Variants in ZNF536 observed in about 807,000 individuals in gnomAD.
ZNF536 encodes zinc finger protein 536.
A neutral mutation model predicts 84.5 loss-of-function variants in ZNF536; 13 were observed. The observed-to-expected ratio is 0.15, with a 90% CI of 0.10 to 0.24. ZNF536 has a LOEUF of 0.24. Among genes scored for constraint, ZNF536 ranks in the 10% least tolerant of loss-of-function variants. The pLI is 1.00. For synonymous variants in ZNF536, 811 were observed against 742.5 expected, an observed-to-expected ratio of 1.09 and a Z score of -1.50; for missense variants, 1,536 against 1,747.5, an observed-to-expected ratio of 0.88 and a Z score of 2.16.
chr19:30,433,527 C>T (rs1310996115), intron 1 of ZNF536, among the ~76,000 whole-genome samples: 6 of 152,152 alleles, frequency 3.9e-5, no homozygotes, highest in Admixed American at 1.3e-4. Flanking sequence ...GACAGAGTTC[C>T]GCTCTTGTTG....
At chr19:30,335,724 A>G (rs1414074962) in intron 2 of ZNF536, among the ~76,000 whole-genome samples, 1 of 152,184 alleles carries the variant, frequency 6.6e-6, no homozygotes, top group African/African-American at 2.4e-5. Flanking sequence ...GCCCTTGTGC[A>G]CGGATAGAAT....
intron 2 of ZNF536, among the ~76,000 whole-genome samples, chr19:30,473,838 G>A (rs539305558): frequency 6.6e-6 from 1 of 152,272 alleles, no homozygotes; most frequent in Non-Finnish European, 1.5e-5. Flanking sequence ...TCTCCTCCAG[G>A]GATGAATGTT....
At chr19:30,702,320 T>C (rs1265101025) in intron 1 of ZNF536, among the ~76,000 whole-genome samples, 1 of 152,242 alleles carries the variant, frequency 6.6e-6, no homozygotes, top group Non-Finnish European at 1.5e-5. Context: ...TAAAAATGAA[T>C]GTGCTCTTTA....
intron 1 of ZNF536, among the ~76,000 whole-genome samples, chr19:30,708,576 C>T (rs545087687): frequency 2.0e-5 from 3 of 152,296 alleles, no homozygotes; most frequent in Non-Finnish European, 4.4e-5. Context: ...AGGCCACCCG[C>T]GGGCTGCCAT....
At chr19:30,687,555 A>C (rs2051239421) in intron 1 of ZNF536, among the ~76,000 whole-genome samples, 1 of 152,240 alleles carries the variant, frequency 6.6e-6, no homozygotes. Context: ...TCTTATTATA[A>C]ATAATCACTA....
chr19:30,447,200 T>TCC (rs200977715), intron 2 of ZNF536, among the ~76,000 whole-genome samples: 3 of 152,056 alleles, frequency 2.0e-5, no homozygotes, highest in Admixed American at 2.0e-4. Context: ...TCTTTCTTGA[T>TCC]CCCCCCCACC....
chr19:30,553,747 A>G (rs113440339), intron 4 of ZNF536, among the ~76,000 whole-genome samples: 1,643 of 152,340 alleles, frequency 0.011, 34 homozygotes, highest in African/African-American at 0.037. Flanking sequence ...GGGGCGTTGC[A>G]TAAGCCCAGG....
intron 1 of ZNF536, among the ~76,000 whole-genome samples, chr19:30,700,216 C>CTTTT (rs745749335): frequency 1.2e-5 from 1 of 86,744 alleles, no homozygotes; most frequent in Non-Finnish European, 2.7e-5. Flanking sequence ...TTCTTTCCTT[C>CTTTT]TTTCTTTCTT....
At chr19:30,353,678 T>C (rs920048245) in intron 3 of ZNF536, among the ~76,000 whole-genome samples, 10 of 152,224 alleles carry the variant, frequency 6.6e-5, no homozygotes, top group Non-Finnish European at 1.5e-4. Context: ...TTTGGTTCCA[T>C]AGCTGTTTGG....
chr19:30,319,729 T>C (rs902445595), intron 2 of ZNF536, among the ~76,000 whole-genome samples: 28 of 152,244 alleles, frequency 1.8e-4, no homozygotes, highest in African/African-American at 6.8e-4. Context: ...TCTCCATTTT[T>C]GAGATTTAGC....
chr19:30,354,035 A>G (rs1156533685), intron 3 of ZNF536, among the ~76,000 whole-genome samples: 1 of 152,154 alleles, frequency 6.6e-6, no homozygotes, highest in Non-Finnish European at 1.5e-5. Flanking sequence ...CCTGATCCCA[A>G]TCGGGATGGG....
chr19:30,266,237 A>AG (rs2025507180), intron 1 of ZNF536, among the ~76,000 whole-genome samples: 1 of 151,860 alleles, frequency 6.6e-6, no homozygotes, highest in African/African-American at 2.4e-5. Flanking sequence ...TTTTGTAGAG[A>AG]GGGGGTCTCA....
intron 2 of ZNF536, among the ~76,000 whole-genome samples, chr19:30,297,321 A>G (rs775849985): frequency 4.9e-4 from 74 of 152,198 alleles, no homozygotes; most frequent in Non-Finnish European, 8.8e-4. Context: ...ATGCCTGGAA[A>G]TGGTACGTGG....
At chr19:30,373,949 C>T (rs753741643) in intron 1 of ZNF536, among the ~76,000 whole-genome samples, 1 of 152,212 alleles carries the variant, frequency 6.6e-6, no homozygotes, top group African/African-American at 2.4e-5. Context: ...ACCCGCCGCC[C>T]GCCTGTTTTC....
intron 2 of ZNF536, among the ~76,000 whole-genome samples, chr19:30,310,105 G>A (rs1165293107): frequency 6.6e-6 from 1 of 152,130 alleles, no homozygotes; most frequent in Non-Finnish European, 1.5e-5. Flanking sequence ...TTAGTATAAC[G>A]TGTTTGCATG....
At chr19:30,283,222 C>G (rs955720447) in intron 1 of ZNF536, among the ~76,000 whole-genome samples, 2 of 152,210 alleles carry the variant, frequency 1.3e-5, no homozygotes, top group Non-Finnish European at 2.9e-5. Context: ...CTTATGTTTG[C>G]CCCATAACAT....
Position 30,549,130 on chromosome 19 carries a change from G to A in ZNF536, c.3511G>A (p.Asp1171Asn), listed in dbSNP as rs746532531. Residue 1171 changes from aspartate (D) to asparagine (N), a missense_variant, in exon 4 of 5, where the codon GAC becomes AAC. This residue lies in a region of ZNF536 where 624 missense variants were observed against 603.1 expected (regional missense o/e 1.03). Coordinates refer to ENST00000355537, the MANE Select transcript of ZNF536 (RefSeq NM_014717.3). ...TGACATTGCCTCCTCAGAGGACATG[G>A]ACTCCTCCAAGGGGGAGAACAACGA... ...LSDIASSEDM[D>N]SSKGENNDEE... 1.9e-6 allele frequency: 3 copies of A among 1,614,096 alleles called. No individual in the cohort carries two copies. Among genetic ancestry groups the A allele is most frequent in the South Asian group, 2.2e-5 (2 of 91,088 alleles).
intron 1 of ZNF536, among the ~76,000 whole-genome samples, chr19:30,583,281 G>A (rs1386126262): frequency 1.3e-5 from 2 of 152,236 alleles, no homozygotes; most frequent in Non-Finnish European, 2.9e-5. Flanking sequence ...ACAGGGCCAT[G>A]CTGTGTGATG....
Position 30,527,303 on chromosome 19 carries a change from G to A in ZNF536, c.2171-7544G>A, listed in dbSNP as rs1387188167. 2.2e-5 allele frequency among the ~76,000 whole-genome samples: 3 copies of A among 134,360 alleles called. No homozygotes were observed. The East Asian group carries it at 6.6e-4, about 29-fold the overall frequency. 88.1% of individuals were successfully genotyped at this position (134,360 alleles called of 152,430 possible). A position where few individuals can be genotyped will look rare whatever the true frequency, so the allele number is the denominator to read the frequency against. ...TCCCCAATTCCAGAAATCGTCTCTT[G>A]CCACCAGCAAATGGAACTCTGCCCA... On this transcript the variant is annotated intron_variant, in intron 2 of 4. Transcript: ENST00000355537.
Sources: gnomAD v4.1 joint callset for allele counts (sites outside exome capture counted in the v4.1 genomes callset) on GRCh38, gnomAD v4.1.1 for gene constraint, gnomAD v4.1.1 regional missense constraint, MANE v1.5 for transcripts, NCBI Gene and HGNC (gene_info 2026-07-23, HGNC 2026-07-21) for gene names.